The following LY6G5C variants were observed in gnomAD, a reference collection of about 807,000 sequenced individuals.
LY6G5C encodes lymphocyte antigen 6 family member G5C, also known as lymphocyte antigen 6 complex locus protein G5c.
Under a neutral mutation model 10.5 loss-of-function variants are expected in LY6G5C, and 6 were observed. That is an observed-to-expected ratio of 0.57 (90% CI 0.31 to 1.12). LY6G5C has a LOEUF of 1.12. Among genes scored for constraint, LY6G5C ranks in the 50% most tolerant of loss-of-function variants. The probability of loss-of-function intolerance (pLI) is 0.05; values close to 1 mark genes in which losing one functional copy is unlikely to be tolerated. For synonymous variants in LY6G5C, 69 were observed against 67.8 expected (o/e 1.02, Z -0.09); for missense variants, 160 against 185.5 (o/e 0.86, Z 0.80).
chr6:31,680,680 G>A (rs1802840549), upstream of LY6G5C, among the ~76,000 whole-genome samples: 1 of 152,200 alleles, frequency 6.6e-6, no homozygotes, highest in Non-Finnish European at 1.5e-5. This position sits in a 1 kb window ranked among gnomAD's most constrained non-coding sequence, Gnocchi z 4.5. Flanking sequence ...AGTCTAGTAG[G>A]GGAGACAAGT....
chr6:31,676,881 T>G, exon 3 of LY6G5C: 1 of 1,473,278 alleles, frequency 6.8e-7, no homozygotes, highest in Non-Finnish European at 9.4e-7. Context: ...CTAGAAGTCC[T>G]GGCCAAGCCC....
chr6:31,680,839 G>A (rs1802849320), upstream of LY6G5C, among the ~76,000 whole-genome samples: 1 of 152,174 alleles, frequency 6.6e-6, no homozygotes, highest in South Asian at 2.1e-4. The surrounding 1 kb of genome is among the most constrained non-coding windows in gnomAD (Gnocchi z 4.5). Context: ...TTTGGGTCAA[G>A]AGTGGAGGCC....
Position 31,679,597 on chromosome 6 carries a change from T to C in LY6G5C, c.122-329A>G, listed in dbSNP as rs1287132809. ...AAGTGGGGAGCCCAGCAGGCTGGAC[T>C]CAGTCTTGTTCTATCCTGTGGATTC... On this transcript the variant is annotated intron_variant, in intron 1 of 2. Coordinates refer to ENST00000383237, the Ensembl canonical transcript of LY6G5C. This position sits in a 1 kb window ranked among gnomAD's most constrained non-coding sequence, Gnocchi z 4.4. 4 of 429,032 alleles carry C rather than the reference T, an allele frequency of 9.3e-6. No individual in the cohort carries two copies. Among genetic ancestry groups the C allele is most frequent in the Non-Finnish European group, 4.3e-6 (1 of 231,654 alleles). The allele number at this position is 429,032 out of a possible 1,614,324, so 26.6% of individuals were successfully genotyped here. A position where few individuals can be genotyped will look rare whatever the true frequency, so the allele number is the denominator to read the frequency against.
In LY6G5C at chr6:31,679,160, C is replaced by T; in HGVS notation, c.230G>A (p.Gly77Glu). Reference sequence around the variant, plus strand: ...AGCTGGGGTGAGGCAGATGTCAGATCCCAGAAGGCACCCTAACTCCTTGGT... The same window carrying T: ...AGCTGGGGTGAGGCAGATGTCAGATTCCAGAAGGCACCCTAACTCCTTGGT... The change falls in exon 2 of 3, where the codon GGA becomes GAA. Residue 77 changes from glycine (G) to glutamate (E), a missense_variant. Coordinates refer to ENST00000383237, the Ensembl canonical transcript of LY6G5C. This position sits in a 1 kb window ranked among gnomAD's most constrained non-coding sequence, Gnocchi z 4.4. The T allele has an allele frequency of 1.2e-6, 2 of 1,612,958 alleles. No individual in the cohort carries two copies. The highest frequency in any genetic ancestry group is 1.7e-6 in the Non-Finnish European group (2 of 1,180,014).
chr6:31,677,230 G>A, intron 2 of LY6G5C, 110 bp from the exon 3 acceptor site: 1 of 1,148,894 alleles, frequency 8.7e-7, no homozygotes, highest in Non-Finnish European at 1.2e-6. Context: ...AAAGATTCCT[G>A]TAGTTAGGCA....
At chr6:31,677,265 C>T in intron 2 of LY6G5C, 145 bp from the exon 3 acceptor site, 1 of 771,684 alleles carries the variant, frequency 1.3e-6, no homozygotes, top group Non-Finnish European at 2.0e-6. Context: ...CAGTGTTCAC[C>T]AGCCATGGAA....
chr6:31,676,852 G>A (rs2151201344), exon 3 of LY6G5C: 2 of 1,121,186 alleles, frequency 1.8e-6, no homozygotes, highest in South Asian at 2.8e-5. Context: ...AGGGAGGCAA[G>A]GAGGGCTGGT....
upstream of LY6G5C, chr6:31,680,457 G>T: frequency 6.7e-7 from 1 of 1,485,586 alleles, no homozygotes. This position sits in a 1 kb window ranked among gnomAD's most constrained non-coding sequence, Gnocchi z 4.5. Context: ...CACCAGCTCA[G>T]GGTGGAAATC....
chr6:31,677,080 C>T, exon 3 of LY6G5C: 1 of 1,613,010 alleles, frequency 6.2e-7, no homozygotes, highest in Non-Finnish European at 8.5e-7. Flanking sequence ...TCATCTGCTC[C>T]TTACTTCGGC....
exon 3 of LY6G5C, chr6:31,677,102 A>G (rs765104955): frequency 5.0e-6 from 8 of 1,612,740 alleles, no homozygotes; most frequent in Middle Eastern, 1.7e-4. Flanking sequence ...GTCACTCACC[A>G]TGACGTCAGA....
At chr6:31,680,381 T>C (rs764517249), upstream of LY6G5C, 6 of 1,606,482 alleles carry the variant, frequency 3.7e-6, no homozygotes, top group South Asian at 5.5e-5. This position sits in a 1 kb window ranked among gnomAD's most constrained non-coding sequence, Gnocchi z 4.5. Flanking sequence ...CATGACTGCC[T>C]GCTGGCCTCC....
At chr6:31,677,582 C>T (rs1722785433) in intron 2 of LY6G5C, among the ~76,000 whole-genome samples, 1 of 152,084 alleles carries the variant, frequency 6.6e-6, no homozygotes, top group African/African-American at 2.4e-5. Flanking sequence ...AGAGAAATGA[C>T]CAAAATGCCC....
chr6:31,679,261 A>T lies in LY6G5C; in HGVS notation c.129T>A (p.Phe43Leu). ...GAGGGGGTTCCCAATTGACAGGAAC[A>T]AACTTACCTAGAACACAGAGAAGTG... Residue 43 changes from phenylalanine to leucine, a missense_variant, in exon 2 of 3, where the codon TTT becomes TTA. Coordinates refer to ENST00000383237, the Ensembl canonical transcript of LY6G5C. The surrounding 1 kb of genome is among the most constrained non-coding windows in gnomAD (Gnocchi z 4.4). The T allele has an allele frequency of 6.2e-7, 1 of 1,612,978 alleles. No individual in the cohort carries two copies. The highest frequency in any genetic ancestry group is 8.5e-7 in the Non-Finnish European group (1 of 1,179,972).
At chr6:31,680,487 G>A (rs1802832048), upstream of LY6G5C, 1 of 1,285,358 alleles carries the variant, frequency 7.8e-7, no homozygotes, top group Non-Finnish European at 1.1e-6. The surrounding 1 kb of genome is among the most constrained non-coding windows in gnomAD (Gnocchi z 4.5). Flanking sequence ...CCAGCCAGAG[G>A]GGCAGAATGT....
At position 31,680,271 on chromosome 6, in the gene LY6G5C, T is replaced by C; in HGVS notation, c.103A>G (p.Met35Val). The C allele has an allele frequency of 2.5e-6, 4 of 1,612,852 alleles. No individual in the cohort carries two copies. Among genetic ancestry groups the C allele is most frequent in the Non-Finnish European group, 3.4e-6 (4 of 1,180,010 alleles). Residue 35 changes from methionine to valine, a missense_variant, in exon 1 of 3, where the codon ATG (methionine) becomes GTG (valine). Coordinates refer to ENST00000383237, the Ensembl canonical transcript of LY6G5C. The surrounding 1 kb of genome is among the most constrained non-coding windows in gnomAD (Gnocchi z 4.5). Reference sequence around the variant, plus strand: ...CACTTACCAAACACCAAGCTCATCATGACCAGCACTATTAAGAGGACCGTG... The same window carrying C: ...CACTTACCAAACACCAAGCTCATCACGACCAGCACTATTAAGAGGACCGTG...
exon 3 of LY6G5C, chr6:31,676,748 T>G: frequency 1.9e-6 from 1 of 526,672 alleles, no homozygotes; most frequent in Non-Finnish European, 3.4e-6. Context: ...AGAGGAAACC[T>G]GGTGGGCAGT....
intron 2 of LY6G5C, among the ~76,000 whole-genome samples, 194 bp from the exon 3 acceptor site, chr6:31,677,314 C>T (rs938923350): frequency 6.6e-6 from 1 of 152,228 alleles, no homozygotes; most frequent in East Asian, 1.9e-4. Flanking sequence ...AGGAAAAGAG[C>T]CATATGAAAT....
exon 3 of LY6G5C, chr6:31,677,051 C>T (rs776153651): frequency 3.1e-6 from 5 of 1,612,794 alleles, no homozygotes; most frequent in African/African-American, 2.7e-5. Context: ...CGGAGAAGTT[C>T]GGGTATTTGA....
upstream of LY6G5C, among the ~76,000 whole-genome samples, chr6:31,681,054 CAT>C (rs946721081): frequency 2.2e-5 from 3 of 139,150 alleles, no homozygotes; most frequent in Non-Finnish European, 3.0e-5. Flanking sequence ...AGATAGGAAA[CAT>C]GTGGTCTGTC....
Sources: gnomAD v4.1 joint callset for allele counts (sites outside exome capture counted in the v4.1 genomes callset) on GRCh38, gnomAD v4.1.1 for gene constraint, Gnocchi (gnomAD v3.1) non-coding constraint, MANE v1.5 for transcripts, NCBI Gene and HGNC (gene_info 2026-07-23, HGNC 2026-07-21) for gene names.